The following SP140L variants were observed in gnomAD, a reference collection of about 807,000 sequenced individuals.
SP140L encodes nuclear body protein SP140-like protein.
SP140L carries 64 observed loss-of-function variants against 84.3 expected under a neutral mutation model. The observed-to-expected ratio is 0.76, with a 90% CI of 0.62 to 0.94. The LOEUF is 0.94. Among genes scored for constraint, SP140L ranks in the 40% least tolerant of loss-of-function variants. SP140L has a pLI of 0.00. For synonymous variants in SP140L, 242 were observed against 236.9 expected, an observed-to-expected ratio of 1.02 and a Z score of -0.20; for missense variants, 628 against 692.5, an observed-to-expected ratio of 0.91 and a Z score of 1.05.
At chr2:230,365,851 T>G (rs2060851312) in intron 5 of SP140L, among the ~76,000 whole-genome samples, 1 of 152,092 alleles carries the variant, frequency 6.6e-6, no homozygotes, top group South Asian at 2.1e-4. Context: ...TGTCTCAATA[T>G]TTTTTTAAAT....
In SP140L at chr2:230,383,546, C is replaced by T. The variant is rs28497362; in HGVS notation, c.674C>T (p.Thr225Met). 0.16 allele frequency: 256,021 copies of T among 1,603,288 alleles called. 24,613 individuals are homozygous for T. Among genetic ancestry groups the T allele is most frequent in the South Asian group, 0.42 (36,967 of 88,556 alleles). The change falls in exon 8 of 19, where the codon ACG (threonine) becomes ATG (methionine). Residue 225 changes from threonine to methionine, a missense_variant. This residue lies in a region of SP140L where 525 missense variants were observed against 518.4 expected (regional missense o/e 1.01). Coordinates refer to ENST00000415673, the MANE Select transcript of SP140L (RefSeq NM_138402.6). ...KKGHGWSRMG[T>M]RTQKNNQQND... ...GGGCATGGCTGGAGCAGAATGGGAA[C>T]GAGAACGCAGAAAAACAACCAACAA...
intron 2 of SP140L, among the ~76,000 whole-genome samples, chr2:230,329,402 G>A (rs1290515799): frequency 6.6e-6 from 1 of 152,118 alleles, no homozygotes; most frequent in Non-Finnish European, 1.5e-5. Context: ...CACAATAGTT[G>A]TCTCAAACTT....
chr2:230,385,228 C>T lies in SP140L; in HGVS notation c.708C>T (p.Asn236=), dbSNP rs764486041. ...RTQKNNQQND[N]SKADGQLVSS... ...TTTTCCCTTGCCTATCCCCAGATAA[C>T]AGCAAAGCCGATGGCCAGCTGGTCT... Residue 236 remains asparagine, a synonymous_variant, in exon 9 of 19, where the codon AAC becomes AAT. Coordinates refer to ENST00000415673, the MANE Select transcript of SP140L (RefSeq NM_138402.6). The T allele has an allele frequency of 1.2e-6, 2 of 1,613,578 alleles. No homozygotes were observed. The highest frequency in any genetic ancestry group is 1.7e-6 in the Non-Finnish European group (2 of 1,179,668).
At chr2:230,374,514 C>CT (rs1441292543) in intron 7 of SP140L, among the ~76,000 whole-genome samples, 2 of 152,120 alleles carry the variant, frequency 1.3e-5, no homozygotes, top group African/African-American at 4.8e-5. Flanking sequence ...GTTGATAAAG[C>CT]AGCAGCAGGT....
chr2:230,372,340 G>A (rs2061104387), intron 7 of SP140L: 1 of 152,236 alleles, frequency 6.6e-6, no homozygotes, highest in Non-Finnish European at 1.5e-5. Context: ...GAGGTTGGAA[G>A]AATTTTAAAT....
chr2:230,398,611 G>T (rs1292924286), intron 14 of SP140L, among the ~76,000 whole-genome samples: 1 of 152,242 alleles, frequency 6.6e-6, no homozygotes, highest in Admixed American at 6.5e-5. Flanking sequence ...AAGTGTGAGA[G>T]GGAAAAAGTC....
rs2149740276 is a variant in SP140L, at chr2:230,361,597, T to C, written c.440-17T>C. 2 of 1,548,622 alleles carry C rather than the reference T, an allele frequency of 1.3e-6. No homozygotes were observed. Among genetic ancestry groups the C allele is most frequent in the Non-Finnish European group, 1.7e-6 (2 of 1,143,360 alleles). ...TCACAGATCTTTAATTGCTTTCTTC[T>C]CTCTCCCACTCTTCAGCAATCCAAG... is the stretch of plus-strand genomic sequence containing the variant. On this transcript the variant is annotated splice_polypyrimidine_tract_variant and intron_variant, in intron 4 of 18. Transcript: ENST00000415673.
intron 3 of SP140L, among the ~76,000 whole-genome samples, chr2:230,358,323 CA>C (rs2060611683): frequency 6.6e-6 from 1 of 152,164 alleles, no homozygotes; most frequent in Non-Finnish European, 1.5e-5. Flanking sequence ...GATCTGAGAA[CA>C]TTAAAACCCA....
intron 5 of SP140L, among the ~76,000 whole-genome samples, chr2:230,368,273 T>G (rs1171388694): frequency 6.6e-6 from 1 of 152,194 alleles, no homozygotes; most frequent in Non-Finnish European, 1.5e-5. Context: ...GTTTTTTTCT[T>G]CAGCACCTTT....
At chr2:230,327,916 C>T (rs373320879) in intron 1 of SP140L, among the ~76,000 whole-genome samples, 11 of 152,102 alleles carry the variant, frequency 7.2e-5, no homozygotes, top group African/African-American at 1.4e-4. Flanking sequence ...AGAAAAAGGC[C>T]CAGGATGGCA....
intron 12 of SP140L, among the ~76,000 whole-genome samples, 164 bp from the exon 13 acceptor site, chr2:230,393,250 A>G (rs1327406711): frequency 2.0e-5 from 3 of 152,224 alleles, no homozygotes. Context: ...ATTGGAGTCT[A>G]GAAGCACAGG....
intron 2 of SP140L, among the ~76,000 whole-genome samples, chr2:230,336,203 TA>T (rs916007746): frequency 1.1e-4 from 16 of 152,328 alleles, no homozygotes; most frequent in African/African-American, 3.6e-4. Context: ...AGTCTTATAG[TA>T]ATAGGGGCAT....
chr2:230,372,905 A>G (rs1391913479), intron 7 of SP140L, among the ~76,000 whole-genome samples: 2 of 152,210 alleles, frequency 1.3e-5, no homozygotes, highest in East Asian at 3.8e-4. Context: ...GAAGGAAATT[A>G]AAAGTGCTAC....
At chr2:230,355,952 A>G (rs1431288462) in intron 2 of SP140L, among the ~76,000 whole-genome samples, 1 of 152,132 alleles carries the variant, frequency 6.6e-6, no homozygotes, top group Admixed American at 6.5e-5. Context: ...ATAATCTGTA[A>G]AAGGACTCCT....
chr2:230,348,448 G>C (rs1219119077), intron 2 of SP140L, among the ~76,000 whole-genome samples: 1 of 152,106 alleles, frequency 6.6e-6, no homozygotes, highest in Admixed American at 6.5e-5. Flanking sequence ...ATTTTGTTGT[G>C]GTTTGAATTT....
At chr2:230,359,962 G>C (rs879335015) in intron 4 of SP140L, among the ~76,000 whole-genome samples, 1 of 152,090 alleles carries the variant, frequency 6.6e-6, no homozygotes, top group Non-Finnish European at 1.5e-5. Context: ...CTAAAGTTTG[G>C]TATTGGTGCT....
intron 2 of SP140L, among the ~76,000 whole-genome samples, chr2:230,349,495 A>G (rs1387606816): frequency 6.6e-6 from 1 of 152,198 alleles, no homozygotes; most frequent in Non-Finnish European, 1.5e-5. Context: ...CCAATCCATG[A>G]ACATGGGTAT....
intron 2 of SP140L, among the ~76,000 whole-genome samples, chr2:230,332,889 A>G (rs1219422933): frequency 6.6e-6 from 1 of 152,174 alleles, no homozygotes; most frequent in African/African-American, 2.4e-5. Flanking sequence ...GAAGCTAGAC[A>G]TCTCTCCTGT....
rs141801217 is a variant in SP140L, at chr2:230,342,154, C to T, written c.107+13323C>T. Reference sequence around the variant, plus strand: ...CTAGCAATCAGTGAGAGTCCGTGGGCGTAGGACCTTCCGAGCCAGGTGTGG... The same window carrying T: ...CTAGCAATCAGTGAGAGTCCGTGGGTGTAGGACCTTCCGAGCCAGGTGTGG... On this transcript the variant is annotated intron_variant, in intron 2 of 18. Transcript: ENST00000415673. The T allele has an allele frequency of 6.9e-4, 116 of 166,948 alleles. 1 individual carries two copies. The East Asian group carries it at 0.02, about 29-fold the overall frequency. The allele number at this position is 166,948 out of a possible 1,614,324, so 10.3% of individuals were successfully genotyped here.
Sources: gnomAD v4.1 joint callset for allele counts (sites outside exome capture counted in the v4.1 genomes callset) on GRCh38, gnomAD v4.1.1 for gene constraint, gnomAD v4.1.1 regional missense constraint, MANE v1.5 for transcripts, NCBI Gene and HGNC (gene_info 2026-07-23, HGNC 2026-07-21) for gene names.